The following GGA3 variants were observed in gnomAD, a reference collection of about 807,000 sequenced individuals.
GGA3 encodes the protein golgi associated, gamma adaptin ear containing, ARF binding protein 3, also known as ADP-ribosylation factor-binding protein GGA3.
In GGA3, 57 loss-of-function variants were observed where a neutral mutation model predicts 77.5. The observed-to-expected ratio is 0.74, with a 90% CI of 0.59 to 0.92. GGA3 has a LOEUF of 0.92. Ranked by LOEUF, GGA3 falls within the 40% of genes least tolerant of loss-of-function variation. The pLI is 0.00. For missense variants in GGA3, 970 were observed against 914.9 expected, an observed-to-expected ratio of 1.06 and a Z score of -0.78; for synonymous variants, 416 against 383.7, an observed-to-expected ratio of 1.08 and a Z score of -0.98.
At position 75,239,878 on chromosome 17, in the gene GGA3, G is replaced by A. The variant is rs760010122; in HGVS notation, c.1494C>T (p.Pro498=). 118 of 1,613,888 alleles carry A rather than the reference G, an allele frequency of 7.3e-5. No individual in the cohort carries two copies. The East Asian group carries it at 2.5e-3, about 34-fold the overall frequency. ...VAPALAPKVE[P]AVPGHHGLAL... is the part of the protein sequence containing the mutation. ...CCAAGCCATGGTGCCCAGGGACTGC[G>A]GGCTCAACTTTTGGGGCCAAGGCTG... Residue 498 remains proline (P), a synonymous_variant, in exon 13 of 17, where the codon CCC becomes CCT. Coordinates refer to ENST00000537686, the MANE Select transcript of GGA3 (RefSeq NM_138619.4).
chr17:75,251,645 G>T (rs2076969272), intron 1 of GGA3, among the ~76,000 whole-genome samples: 1 of 131,814 alleles, frequency 7.6e-6, no homozygotes, highest in African/African-American at 2.9e-5. Context: ...GGCAGAGGTT[G>T]CAATGAGCTG....
At chr17:75,262,338 C>T (rs1438986309), upstream of GGA3, 2 of 817,432 alleles carry the variant, frequency 2.4e-6, no homozygotes, top group Middle Eastern at 2.3e-4. Context: ...TGTCCTCCTA[C>T]TTGGGACAAG....
chr17:75,249,499 G>A (rs1294688113), intron 1 of GGA3, among the ~76,000 whole-genome samples: 2 of 152,214 alleles, frequency 1.3e-5, no homozygotes, highest in African/African-American at 4.8e-5. Context: ...ATTACTGTAT[G>A]GTAGCCTACC....
At chr17:75,262,135 C>G, upstream of GGA3, 1 of 942,380 alleles carries the variant, frequency 1.1e-6, no homozygotes, top group East Asian at 2.6e-5. Context: ...TGCGCCAATC[C>G]GAAGGTTTAG....
At chr17:75,238,615 G>T in intron 16 of GGA3, 37 bp downstream of exon 16, 5 of 1,425,120 alleles carry the variant, frequency 3.5e-6, no homozygotes, top group Non-Finnish European at 4.9e-6. Context: ...GGCAGCTGGG[G>T]CCTCAGGCTG....
In GGA3 at chr17:75,257,287, C is replaced by CA. The variant is rs1280624794; in HGVS notation, c.40+4260_40+4261insT. The stretch of plus-strand genomic sequence containing the variant: ...GACCAACTTAGACTGTGCCCCCCCC[C>CA]CCAAAAAAAACCTGTCATCATCCCT... On this transcript the variant is annotated intron_variant, in intron 1 of 16. Transcript: ENST00000537686. Among the ~76,000 whole-genome samples, 7 of 73,734 alleles carry CA rather than the reference C, an allele frequency of 9.5e-5. 1 individual carries two copies. Among genetic ancestry groups the CA allele is most frequent in the South Asian group, 7.3e-4 (1 of 1,372 alleles). 48.4% of individuals were successfully genotyped at this position (73,734 alleles called of 152,430 possible).
At chr17:75,247,732 T>C (rs2076807381) in intron 1 of GGA3, among the ~76,000 whole-genome samples, 1 of 152,166 alleles carries the variant, frequency 6.6e-6, no homozygotes, top group African/African-American at 2.4e-5. Context: ...AGCTTGAGTA[T>C]CTAGCACCCC....
intron 15 of GGA3, 50 bp downstream of exon 15, chr17:75,238,864 C>T (rs372432811): frequency 7.5e-6 from 12 of 1,603,256 alleles, no homozygotes; most frequent in Non-Finnish European, 1.0e-5. Context: ...AAGGCCTCTA[C>T]ACAACAGGGT....
At chr17:75,254,823 T>C (rs927239019) in intron 1 of GGA3, among the ~76,000 whole-genome samples, 3 of 152,250 alleles carry the variant, frequency 2.0e-5, no homozygotes, top group East Asian at 3.9e-4. Flanking sequence ...CATTCCTCCA[T>C]AACTGCCTCC....
Position 75,261,581 on chromosome 17 carries a change from C to T in GGA3, c.7G>A (p.Glu3Lys). Residue 3 changes from glutamate to lysine, a missense_variant, in exon 1 of 17, where the codon GAG becomes AAG. By Grantham distance (56) the Glu-to-Lys change is moderately conservative (BLOSUM62 1). Transcript: ENST00000537686. ...GACTCCAGGCTTTCCCCTTCCGCCTCCGCCATATTGCAGCCGCCCGGCCCC... is the reference window on the plus strand; with the variant it reads ...GACTCCAGGCTTTCCCCTTCCGCCTTCGCCATATTGCAGCCGCCCGGCCCC... MA[E>K]AEGESLESWL... The T allele has an allele frequency of 1.3e-6, 2 of 1,555,776 alleles. No homozygotes were observed. Among genetic ancestry groups the T allele is most frequent in the South Asian group, 1.2e-5 (1 of 84,016 alleles).
chr17:75,246,854 A>G (rs2242231), intron 1 of GGA3, 58 bp from the exon 2 acceptor site: 1,098,283 of 1,353,730 alleles, frequency 0.81, 450,094 homozygotes, highest in East Asian at 0.88. Flanking sequence ...GATGCAATGG[A>G]AGGTTTTCTT....
chr17:75,241,182 G>T, intron 10 of GGA3, 125 bp from the exon 11 acceptor site: 2 of 1,157,948 alleles, frequency 1.7e-6, no homozygotes, highest in Non-Finnish European at 1.3e-6. Flanking sequence ...CGGCATCTCT[G>T]CCAGGGGATG....
intron 1 of GGA3, among the ~76,000 whole-genome samples, chr17:75,257,282 C>CT (rs1567807789): frequency 4.7e-5 from 3 of 63,604 alleles, no homozygotes; most frequent in East Asian, 9.0e-4. Context: ...GACTGTGCCC[C>CT]CCCCCCCAAA....
chr17:75,258,394 GTGGTA>G (rs2077228882), intron 1 of GGA3, among the ~76,000 whole-genome samples: 2 of 152,198 alleles, frequency 1.3e-5, no homozygotes, highest in Non-Finnish European at 2.9e-5. Flanking sequence ...TGGGCTGGGC[GTGGTA>G]GCTCAAGCCT....
chr17:75,249,728 T>C (rs570907932), intron 1 of GGA3, among the ~76,000 whole-genome samples: 54 of 152,300 alleles, frequency 3.5e-4, no homozygotes, highest in African/African-American at 1.3e-3. Flanking sequence ...GAAGAAAAAC[T>C]GGCCCACTCA....
At chr17:75,259,110 C>A (rs939882929) in intron 1 of GGA3, among the ~76,000 whole-genome samples, 7 of 152,098 alleles carry the variant, frequency 4.6e-5, no homozygotes, top group Admixed American at 3.3e-4. Context: ...CCCGCCACTA[C>A]GCCTGGCTAT....
chr17:75,236,829 T>C lies in GGA3; in HGVS notation c.*1450A>G, dbSNP rs2076335942. 2 of 154,176 alleles carry C rather than the reference T, an allele frequency of 1.3e-5. No individual in the cohort carries two copies. The highest frequency in any genetic ancestry group is 6.4e-5 in the Admixed American group (1 of 15,670). 9.6% of individuals were successfully genotyped at this position (154,176 alleles called of 1,614,324 possible). On this transcript the variant is annotated 3_prime_UTR_variant, in exon 17 of 17. Transcript: ENST00000537686. Reference sequence around the variant, plus strand: ...AAAGCTCTTGGATTTATTCCTTAAGTAGTGAAAAATGATTCACTTTTGACT... The same window carrying C: ...AAAGCTCTTGGATTTATTCCTTAAGCAGTGAAAAATGATTCACTTTTGACT...
chr17:75,239,085 T>C lies in GGA3; in HGVS notation c.1781-2A>G. On this transcript the variant is annotated splice_acceptor_variant, in intron 14 of 16. Transcript: ENST00000537686. LOFTEE classifies it high-confidence loss of function. ...AGGCTGTCACAGGAAGGGCACTGCC[T>C]GTAAGAACGTGACGTGAGTGTGGGA... The C allele has an allele frequency of 6.2e-7, 1 of 1,611,698 alleles. No individual in the cohort carries two copies. Among genetic ancestry groups the C allele is most frequent in the Non-Finnish European group, 8.5e-7 (1 of 1,179,420 alleles).
At position 75,239,426 on chromosome 17, in the gene GGA3, G is replaced by A. The variant is rs760190290; in HGVS notation, c.1729C>T (p.Pro577Ser). 1.9e-6 allele frequency: 3 copies of A among 1,576,406 alleles called. No homozygotes were observed. The highest frequency in any genetic ancestry group is 2.2e-5 in the East Asian group (1 of 44,692). The change falls in exon 14 of 17, where the codon CCT becomes TCT. Residue 577 changes from proline to serine, a missense_variant. Physicochemically the swap from Pro to Ser is moderately conservative, Grantham distance 74 (BLOSUM62 -1). Transcript: ENST00000537686. Reference protein sequence around the residue: ...FQSQGSPPKGPELSLASIHVP... With the variant: ...FQSQGSPPKGSELSLASIHVP... ...TGGATGCTGGCCAGGGAGAGCTCAG[G>A]CCCCTTCGGGGGGCTGCCCTGGGAC...
Sources: gnomAD v4.1 joint callset for allele counts (sites outside exome capture counted in the v4.1 genomes callset) on GRCh38, gnomAD v4.1.1 for gene constraint, MANE v1.5 for transcripts, NCBI Gene and HGNC (gene_info 2026-07-23, HGNC 2026-07-21) for gene names.